The following METAP1 variants were observed in gnomAD, a reference collection of about 807,000 sequenced individuals.
METAP1 encodes the protein methionine aminopeptidase 1.
In METAP1, 28 loss-of-function variants were observed where a neutral mutation model predicts 53.8. The observed-to-expected ratio is 0.52, with a 90% CI of 0.39 to 0.71. The LOEUF (loss-of-function observed/expected upper bound fraction) is 0.71, where lower values mean the gene tolerates loss of function less well. Ranked by LOEUF, METAP1 falls within the 30% of genes least tolerant of loss-of-function variation. METAP1 has a pLI of 0.00. For missense variants in METAP1, 389 were observed against 479.8 expected, an observed-to-expected ratio of 0.81 and a Z score of 1.77; for synonymous variants, 181 against 165.7, an observed-to-expected ratio of 1.09 and a Z score of -0.71.
intron 1 of METAP1, among the ~76,000 whole-genome samples, chr4:99,010,691 T>C (rs1162912281): frequency 6.6e-6 from 1 of 152,230 alleles, no homozygotes; most frequent in Non-Finnish European, 1.5e-5. Flanking sequence ...AGAATTTTTT[T>C]CAATTTCTGC....
chr4:99,006,891 G>A (rs1223018441), intron 1 of METAP1, among the ~76,000 whole-genome samples: 1 of 151,580 alleles, frequency 6.6e-6, no homozygotes, highest in Non-Finnish European at 1.5e-5. Context: ...GTGTCTTTAA[G>A]TTGTTCTTTT....
At chr4:99,014,339 C>T (rs916829173) in intron 1 of METAP1, among the ~76,000 whole-genome samples, 8 of 152,154 alleles carry the variant, frequency 5.3e-5, no homozygotes, top group Non-Finnish European at 7.3e-5. Context: ...TTAATCATTA[C>T]GCAAACACCA....
At chr4:99,017,820 A>G (rs979254141) in intron 1 of METAP1, among the ~76,000 whole-genome samples, 2 of 152,220 alleles carry the variant, frequency 1.3e-5, no homozygotes, top group Non-Finnish European at 2.9e-5. Flanking sequence ...GACTGGATGC[A>G]CTGGGGACAG....
chr4:99,007,479 T>C (rs1357306872), intron 1 of METAP1, among the ~76,000 whole-genome samples: 2 of 152,180 alleles, frequency 1.3e-5, no homozygotes, highest in African/African-American at 4.8e-5. Context: ...GTTTTAGCAT[T>C]GCGATGATCC....
At position 99,061,506 on chromosome 4, in the gene METAP1, G is replaced by A. The variant is rs1354119606; in HGVS notation, c.*189G>A. The A allele has an allele frequency of 1.5e-5, 7 of 471,308 alleles. No homozygotes were observed. The highest frequency in any genetic ancestry group is 2.5e-5 in the Non-Finnish European group (7 of 277,324). The allele number at this position is 471,308 out of a possible 1,614,324, so 29.2% of individuals were successfully genotyped here. A position where few individuals can be genotyped will look rare whatever the true frequency, so the allele number is the denominator to read the frequency against. ...TCTGAAAAAGCTGAGAAGAATAAAG[G>A]AAACATTGCTCAACTCTTCAGCCCC... On this transcript the variant is annotated 3_prime_UTR_variant, in exon 11 of 11. Coordinates refer to ENST00000296411, the MANE Select transcript of METAP1 (RefSeq NM_015143.3).
intron 1 of METAP1, chr4:99,022,935 G>T: frequency 6.7e-7 from 1 of 1,499,402 alleles, no homozygotes; most frequent in Admixed American, 1.9e-5. Flanking sequence ...CATAGGCACT[G>T]AGAAGGTTGC....
intron 9 of METAP1, among the ~76,000 whole-genome samples, chr4:99,049,506 A>T (rs1358654578): frequency 1.3e-5 from 2 of 152,202 alleles, no homozygotes; most frequent in Non-Finnish European, 2.9e-5. Context: ...GGGAATAAAC[A>T]AAGTGCCTTT....
chr4:99,010,640 G>A (rs902892803), intron 1 of METAP1, among the ~76,000 whole-genome samples: 29 of 152,240 alleles, frequency 1.9e-4, no homozygotes, highest in African/African-American at 7.0e-4. Context: ...TTTCAGAATT[G>A]TTTTGGCTAT....
chr4:99,047,846 T>TA, intron 8 of METAP1, among the ~76,000 whole-genome samples: 1 of 152,306 alleles, frequency 6.6e-6, no homozygotes, highest in East Asian at 1.9e-4. Context: ...GTAAAAGTCA[T>TA]AAAAACTAAA....
chr4:99,046,903 T>C (rs922427082), intron 8 of METAP1, among the ~76,000 whole-genome samples: 16 of 147,884 alleles, frequency 1.1e-4, no homozygotes, highest in Non-Finnish European at 1.6e-4. Context: ...ATATTTCTAT[T>C]CTTTTTGCTT....
intron 6 of METAP1, among the ~76,000 whole-genome samples, chr4:99,042,448 G>A (rs1339802888): frequency 6.6e-6 from 1 of 152,076 alleles, no homozygotes; most frequent in East Asian, 1.9e-4. Flanking sequence ...TACGTATACT[G>A]TGATTACCAC....
chr4:99,009,188 A>T (rs1454593158), intron 1 of METAP1, among the ~76,000 whole-genome samples: 4 of 152,178 alleles, frequency 2.6e-5, no homozygotes, highest in African/African-American at 9.7e-5. Context: ...TTCATGTTGT[A>T]CCCGTCACAG....
chr4:99,049,181 T>C (rs1579324594), intron 9 of METAP1, among the ~76,000 whole-genome samples: 1 of 152,056 alleles, frequency 6.6e-6, no homozygotes, highest in Non-Finnish European at 1.5e-5. Context: ...CAGTAGATAG[T>C]GGAGATGTTG....
intron 4 of METAP1, among the ~76,000 whole-genome samples, chr4:99,038,274 T>C (rs974022466): frequency 6.6e-6 from 1 of 152,054 alleles, no homozygotes; most frequent in African/African-American, 2.4e-5. Flanking sequence ...GTTTTATTTC[T>C]TTCTCTTGTT....
rs551064367 is a variant in METAP1, at chr4:99,042,405, G to A, written c.517-844G>A. ...ATTGTGCAACCATTAAAAAATATTA[G>A]CCTGAAGACTAGAGCAGGTTGGAAA... On this transcript the variant is annotated intron_variant, in intron 6 of 10. Transcript: ENST00000296411. 2.0e-5 allele frequency among the ~76,000 whole-genome samples: 3 copies of A among 151,854 alleles called. No homozygotes were observed. In the East Asian group the frequency reaches 5.8e-4, roughly 29 times the overall value.
At chr4:99,046,990 G>GT (rs1726316719) in intron 8 of METAP1, among the ~76,000 whole-genome samples, 1 of 149,928 alleles carries the variant, frequency 6.7e-6, no homozygotes. Context: ...TTAGAATGCT[G>GT]TTTTATATGA....
intron 10 of METAP1, among the ~76,000 whole-genome samples, chr4:99,059,587 A>T (rs1333594326): frequency 1.3e-5 from 2 of 151,654 alleles, no homozygotes; most frequent in Non-Finnish European, 2.9e-5. Context: ...GAAAGTATTG[A>T]TTTTTTTTTA....
intron 4 of METAP1, among the ~76,000 whole-genome samples, chr4:99,037,529 G>T (rs1725520667): frequency 6.6e-6 from 1 of 151,780 alleles, no homozygotes; most frequent in Admixed American, 6.6e-5. Context: ...TTCTCAGAAG[G>T]ATACCTGGTT....
At chr4:99,034,700 C>T (rs997161136) in intron 3 of METAP1, among the ~76,000 whole-genome samples, 3 of 152,180 alleles carry the variant, frequency 2.0e-5, no homozygotes, top group African/African-American at 4.8e-5. Context: ...AATCCACTGA[C>T]GCTCAAGTCC....
Sources: gnomAD v4.1 joint callset for allele counts (sites outside exome capture counted in the v4.1 genomes callset) on GRCh38, gnomAD v4.1.1 for gene constraint, MANE v1.5 for transcripts, NCBI Gene and HGNC (gene_info 2026-07-23, HGNC 2026-07-21) for gene names.